CTNND2: variants seen among roughly 807,000 people sequenced by gnomAD.
CTNND2 encodes catenin delta-2.
A neutral mutation model predicts 144.4 loss-of-function variants in CTNND2; 22 were observed. That is an observed-to-expected ratio of 0.15 (90% CI 0.11 to 0.22). The LOEUF (loss-of-function observed/expected upper bound fraction) is 0.22. Ranked by LOEUF, CTNND2 falls within the 10% of genes least tolerant of loss-of-function variation. CTNND2 has a pLI of 1.00. For synonymous variants in CTNND2, 751 were observed against 695.6 expected (o/e 1.08, Z -1.25); for missense variants, 1,353 against 1,618.8 (o/e 0.84, Z 2.82).
At chr5:11,756,500 A>T (rs1482219044) in intron 1 of CTNND2, among the ~76,000 whole-genome samples, 1 of 151,740 alleles carries the variant, frequency 6.6e-6, no homozygotes, top group Non-Finnish European at 1.5e-5. Flanking sequence ...TAAAACAATA[A>T]AAACAACATA....
At chr5:11,481,341 T>C (rs2149975979) in intron 3 of CTNND2, among the ~76,000 whole-genome samples, 1 of 152,308 alleles carries the variant, frequency 6.6e-6, no homozygotes, top group African/African-American at 2.4e-5. Flanking sequence ...AACAAGTTTC[T>C]CACCAATCTC....
At chr5:11,032,232 G>A (rs1048518432) in intron 16 of CTNND2, among the ~76,000 whole-genome samples, 1 of 152,134 alleles carries the variant, frequency 6.6e-6, no homozygotes, top group Non-Finnish European at 1.5e-5. Context: ...AAAGTGAGGA[G>A]CTGATTTCCA....
chr5:11,341,849 A>T (rs929457063), intron 9 of CTNND2, among the ~76,000 whole-genome samples: 10 of 152,102 alleles, frequency 6.6e-5, no homozygotes, highest in African/African-American at 2.4e-4. Flanking sequence ...CTCTAAAAAA[A>T]ATAATAAAAA....
intron 20 of CTNND2, among the ~76,000 whole-genome samples, chr5:10,985,742 C>A (rs1447095215): frequency 2.0e-5 from 3 of 152,184 alleles, no homozygotes; most frequent in Non-Finnish European, 4.4e-5. Context: ...CACAAGAAAT[C>A]TGATTTTGCA....
At chr5:11,257,044 T>C (rs1464749932) in intron 9 of CTNND2, among the ~76,000 whole-genome samples, 1 of 152,222 alleles carries the variant, frequency 6.6e-6, no homozygotes, top group East Asian at 1.9e-4. Context: ...TAAGGTAATA[T>C]TTCTGATACA....
At chr5:11,682,189 A>T (rs1476997881) in intron 2 of CTNND2, among the ~76,000 whole-genome samples, 2 of 152,220 alleles carry the variant, frequency 1.3e-5, no homozygotes, top group Non-Finnish European at 2.9e-5. Context: ...AACGTATCAC[A>T]GTTTCATATG....
chr5:11,714,186 C>A (rs1003102269), intron 2 of CTNND2, among the ~76,000 whole-genome samples: 2 of 152,134 alleles, frequency 1.3e-5, no homozygotes, highest in African/African-American at 4.8e-5. Flanking sequence ...GTGGAGCTAA[C>A]ATTGGTAGAA....
intron 12 of CTNND2, among the ~76,000 whole-genome samples, chr5:11,152,651 C>A (rs1216252202): frequency 1.3e-5 from 2 of 152,172 alleles, no homozygotes; most frequent in African/African-American, 4.8e-5. Flanking sequence ...GAGACCCGAG[C>A]CCTCGTCACT....
intron 12 of CTNND2, among the ~76,000 whole-genome samples, chr5:11,126,783 GT>G (rs1265997146): frequency 1.3e-5 from 2 of 152,176 alleles, no homozygotes; most frequent in Non-Finnish European, 2.9e-5. Flanking sequence ...ATTTCCTTAA[GT>G]TGTAATTCTG....
chr5:11,515,104 T>C (rs1019268990), intron 3 of CTNND2, among the ~76,000 whole-genome samples: 61 of 124,000 alleles, frequency 4.9e-4, no homozygotes, highest in African/African-American at 1.5e-3. Flanking sequence ...ATCCCATTAA[T>C]GCACACCAAA....
At chr5:11,206,848 A>ATT (rs1236853057) in intron 10 of CTNND2, among the ~76,000 whole-genome samples, 1 of 152,058 alleles carries the variant, frequency 6.6e-6, no homozygotes. Context: ...TGCAGGGTGG[A>ATT]TTTCTCCTCC....
chr5:11,506,324 C>G (rs1056999918), intron 3 of CTNND2, among the ~76,000 whole-genome samples: 6 of 152,114 alleles, frequency 3.9e-5, no homozygotes, highest in African/African-American at 1.4e-4. Flanking sequence ...ACCTACAACA[C>G]AGGGATAATA....
At chr5:11,222,913 C>G (rs1255316480) in intron 10 of CTNND2, among the ~76,000 whole-genome samples, 1 of 152,208 alleles carries the variant, frequency 6.6e-6, no homozygotes, top group Non-Finnish European at 1.5e-5. Context: ...CTCCAGCCCC[C>G]TGGTGTGCCC....
rs920652422 is a variant in CTNND2, at chr5:11,074,390, G to C, written c.2788+8306C>G. Among the ~76,000 whole-genome samples, 4 of 152,300 alleles carry C rather than the reference G, an allele frequency of 2.6e-5. No homozygotes were observed. The South Asian group carries it at 8.3e-4, about 32-fold the overall frequency. ...TGAGCATGGAGAGGATACTGACTCA[G>C]GTGCGTTTCAATCCTAGACTGTGGA... On this transcript the variant is annotated intron_variant, in intron 16 of 21. Coordinates refer to ENST00000304623, the MANE Select transcript of CTNND2 (RefSeq NM_001332.4).
intron 3 of CTNND2, among the ~76,000 whole-genome samples, chr5:11,430,353 C>CA (rs375334338): frequency 0.058 from 2,589 of 44,276 alleles, 89 homozygotes; most frequent in African/African-American, 0.17. Context: ...GGACATGAAA[C>CA]AAAAAAAAAA....
At chr5:11,528,415 T>TA (rs60434750) in intron 3 of CTNND2, among the ~76,000 whole-genome samples, 28 of 148,990 alleles carry the variant, frequency 1.9e-4, no homozygotes, top group African/African-American at 3.9e-4. Flanking sequence ...GTAGTTCACA[T>TA]AAAAAAAAAA....
At chr5:11,850,647 C>A (rs4533886) in intron 1 of CTNND2, among the ~76,000 whole-genome samples, 21 of 151,996 alleles carry the variant, frequency 1.4e-4, no homozygotes, top group Non-Finnish European at 2.8e-4. Flanking sequence ...GCTACTGAGC[C>A]ACAAAAGATA....
At chr5:11,546,052 A>T (rs1775207828) in intron 3 of CTNND2, among the ~76,000 whole-genome samples, 1 of 152,188 alleles carries the variant, frequency 6.6e-6, no homozygotes, top group Admixed American at 6.5e-5. Context: ...AAGTGAAAAG[A>T]GCCAATAATA....
intron 16 of CTNND2, among the ~76,000 whole-genome samples, chr5:11,051,666 T>G (rs10041574): frequency 0.042 from 6,442 of 152,266 alleles, 489 homozygotes; most frequent in African/African-American, 0.15. Context: ...TAGAATTAGG[T>G]TTCTTTTTTT....
Sources: allele counts gnomAD v4.1 joint callset (sites outside exome capture counted in the v4.1 genomes callset), GRCh38; gene constraint gnomAD v4.1.1; transcripts MANE v1.5; gene names NCBI Gene and HGNC (gene_info 2026-07-23, HGNC 2026-07-21).